Variants in DOCK3 observed in about 807,000 individuals in gnomAD.
The protein encoded by DOCK3 is dedicator of cytokinesis 3.
In DOCK3, 60 loss-of-function variants were observed where a neutral mutation model predicts 265.6. The ratio of observed to expected loss-of-function variants is 0.23; its 90% CI spans 0.18 to 0.28. DOCK3 has a LOEUF of 0.28. Ranked by LOEUF, DOCK3 falls within the 10% of genes least tolerant of loss-of-function variation. DOCK3 has a pLI of 1.00. For synonymous variants in DOCK3, 881 were observed against 938.0 expected (o/e 0.94, Z 1.11); for missense variants, 1,981 against 2,594.3 (o/e 0.76, Z 5.14).
At chr3:51,072,027 G>A (rs917539358) in intron 6 of DOCK3, among the ~76,000 whole-genome samples, 1 of 152,154 alleles carries the variant, frequency 6.6e-6, no homozygotes, top group Non-Finnish European at 1.5e-5. Context: ...TCAAGATAAT[G>A]AAATTACAAA....
At chr3:50,800,846 C>T (rs1343078712) in intron 2 of DOCK3, among the ~76,000 whole-genome samples, 2 of 152,018 alleles carry the variant, frequency 1.3e-5, no homozygotes, top group Non-Finnish European at 2.9e-5. Flanking sequence ...TGTTCCCTAG[C>T]TTTTGGGATC....
At chr3:51,076,967 A>G (rs1482808569) in intron 7 of DOCK3, among the ~76,000 whole-genome samples, 1 of 152,182 alleles carries the variant, frequency 6.6e-6, no homozygotes, top group Non-Finnish European at 1.5e-5. Context: ...TGTATTTCTC[A>G]AATTAGAGTC....
intron 14 of DOCK3, among the ~76,000 whole-genome samples, chr3:51,218,857 CA>C (rs1409611479): frequency 6.6e-6 from 1 of 152,158 alleles, no homozygotes; most frequent in Non-Finnish European, 1.5e-5. Context: ...GGGCCCACCC[CA>C]AGAGTTTCTA....
intron 4 of DOCK3, among the ~76,000 whole-genome samples, chr3:50,890,490 CAA>C (rs899763520): frequency 6.6e-6 from 1 of 151,792 alleles, no homozygotes; most frequent in Non-Finnish European, 1.5e-5. Context: ...CATAAGAAGA[CAA>C]TATACAAAAT....
intron 19 of DOCK3, among the ~76,000 whole-genome samples, chr3:51,235,009 C>G (rs147588179): frequency 2.0e-5 from 3 of 152,316 alleles, no homozygotes; most frequent in African/African-American, 7.2e-5. Context: ...CCATAATGAA[C>G]ATTCTTAGCT....
chr3:50,743,262 A>AT (rs2039191112), intron 1 of DOCK3, among the ~76,000 whole-genome samples: 1 of 152,118 alleles, frequency 6.6e-6, no homozygotes, highest in African/African-American at 2.4e-5. Context: ...AAGACCATCG[A>AT]GGCTAGGAAG....
chr3:51,305,268 G>T (rs1035072698), intron 27 of DOCK3, among the ~76,000 whole-genome samples: 75 of 152,102 alleles, frequency 4.9e-4, no homozygotes, highest in Non-Finnish European at 3.7e-4. Flanking sequence ...TTATAATTAC[G>T]ACTTCCAGAC....
In DOCK3 at chr3:51,374,581, C is replaced by T. The variant is rs780937050; in HGVS notation, c.5406C>T (p.Asn1802=). ...TGTATCCAGCAGCCATCCTGGAGAA[C>T]GGACAGGTAATAGACCCACCACACT... The part of the protein sequence containing the change: ...SAMYPAAILE[N]GQPPNFQRAL... The change falls in exon 50 of 53, where the codon AAC becomes AAT. Residue 1802 remains asparagine, a synonymous_variant. Coordinates refer to ENST00000266037, the MANE Select transcript of DOCK3 (RefSeq NM_004947.5). The surrounding 1 kb of genome is among the most constrained non-coding windows in gnomAD (Gnocchi z 4.8). The T allele has an allele frequency of 1.3e-5, 21 of 1,611,194 alleles. No homozygotes were observed. Among genetic ancestry groups the T allele is most frequent in the African/African-American group, 5.3e-5 (4 of 74,862 alleles).
chr3:51,132,894 A>C (rs748754401), intron 9 of DOCK3, among the ~76,000 whole-genome samples: 1 of 152,148 alleles, frequency 6.6e-6, no homozygotes. Context: ...ATCCCCAGTC[A>C]TGTCAGCATC....
At chr3:51,362,969 G>A (rs1198390727) in intron 49 of DOCK3, among the ~76,000 whole-genome samples, 1 of 152,200 alleles carries the variant, frequency 6.6e-6, no homozygotes, top group Non-Finnish European at 1.5e-5. Context: ...AGTTTTGCTA[G>A]AACAAAGATC....
chr3:50,737,667 T>A (rs2038729743), intron 1 of DOCK3, among the ~76,000 whole-genome samples: 1 of 152,252 alleles, frequency 6.6e-6, no homozygotes, highest in Admixed American at 6.5e-5. Context: ...ACCTTTGAGC[T>A]CACTGATTCT....
At position 51,355,038 on chromosome 3, in the gene DOCK3, TG is replaced by T; in HGVS notation, c.4249+18del. ...CGATGCCCAGTGTATCCTTTGATAC[TG>T]GGTGGGAGGAGGAGGGCAGGGGCCC... On this transcript the variant is annotated intron_variant, in intron 41 of 52. Transcript: ENST00000266037. 1 of 1,611,524 alleles carries T rather than the reference TG, an allele frequency of 6.2e-7. No homozygotes were observed. The highest frequency in any genetic ancestry group is 1.1e-5 in the South Asian group (1 of 90,964).
chr3:50,719,931 G>A, intron 1 of DOCK3: 1 of 540,924 alleles, frequency 1.8e-6, no homozygotes, highest in Non-Finnish European at 3.4e-6. Context: ...CAGCCCAAGG[G>A]CGTACCGTCC....
At chr3:51,341,074 G>A (rs1045255340) in intron 37 of DOCK3, among the ~76,000 whole-genome samples, 163 bp from the exon 38 acceptor site, 1 of 152,224 alleles carries the variant, frequency 6.6e-6, no homozygotes, top group Non-Finnish European at 1.5e-5. Flanking sequence ...TTATTGGCTT[G>A]TTGAGCAGCC....
In DOCK3 at chr3:50,709,699, G is replaced by C. The variant is rs2036633865; in HGVS notation, c.37+34399G>C. On this transcript the variant is annotated intron_variant, in intron 1 of 52. Coordinates refer to ENST00000266037, the MANE Select transcript of DOCK3 (RefSeq NM_004947.5). ...AAACTAGCTGGGTGTTGTGGTGGGT[G>C]CCTGTAATCCCAGCTACTTGGGAGG... Among the ~76,000 whole-genome samples, 5 of 152,132 alleles carry C rather than the reference G, an allele frequency of 3.3e-5. No individual in the cohort carries two copies. In the South Asian group the frequency reaches 1.0e-3, roughly 32 times the overall value.
intron 12 of DOCK3, among the ~76,000 whole-genome samples, chr3:51,172,368 G>A (rs1204808738): frequency 6.6e-6 from 1 of 152,016 alleles, no homozygotes; most frequent in African/African-American, 2.4e-5. Flanking sequence ...GTGAGAGATG[G>A]GGTTTCACCA....
intron 7 of DOCK3, among the ~76,000 whole-genome samples, chr3:51,087,084 C>G (rs1256886685): frequency 3.3e-5 from 5 of 151,982 alleles, no homozygotes; most frequent in Non-Finnish European, 1.5e-5. Flanking sequence ...CAAACTGTTC[C>G]AAAAAATTGA....
intron 27 of DOCK3, among the ~76,000 whole-genome samples, chr3:51,290,604 C>T (rs1230882035): frequency 1.3e-5 from 2 of 151,994 alleles, no homozygotes; most frequent in African/African-American, 2.4e-5. Flanking sequence ...TTAATGGGTG[C>T]AGCACACCAA....
Position 50,901,945 on chromosome 3 carries a change from G to T in DOCK3, c.218+11864G>T, listed in dbSNP as rs554094218. Among the ~76,000 whole-genome samples, 4 of 152,270 alleles carry T rather than the reference G, an allele frequency of 2.6e-5. No homozygotes were observed. The East Asian group carries it at 7.7e-4, about 29-fold the overall frequency. ...CATCTTGCCATAAAGAAAGAAAGCA[G>T]CTATTCTTCTTGATTCTCTCTCTCC... On this transcript the variant is annotated intron_variant, in intron 4 of 52. Coordinates refer to ENST00000266037, the MANE Select transcript of DOCK3 (RefSeq NM_004947.5).
Sources: allele counts gnomAD v4.1 joint callset (sites outside exome capture counted in the v4.1 genomes callset), GRCh38; gene constraint gnomAD v4.1.1; non-coding constraint Gnocchi (gnomAD v3.1); transcripts MANE v1.5; gene names NCBI Gene and HGNC (gene_info 2026-07-23, HGNC 2026-07-21).